GABRR3: variants seen among roughly 807,000 people sequenced by gnomAD.
GABRR3 encodes gamma-aminobutyric acid receptor subunit rho-3.
In GABRR3, 29 loss-of-function variants were observed where a neutral mutation model predicts 43.2. That is an observed-to-expected ratio of 0.67 (90% CI 0.50 to 0.92). GABRR3 has a LOEUF of 0.92. Ranked by LOEUF, GABRR3 falls within the 40% of genes least tolerant of loss-of-function variation. GABRR3 has a pLI of 0.00. For missense variants in GABRR3, 576 were observed against 572.3 expected, an observed-to-expected ratio of 1.01 and a Z score of -0.07; for synonymous variants, 206 against 195.9, an observed-to-expected ratio of 1.05 and a Z score of -0.43.
chr3:97,991,977 GT>G (rs987084709), intron 9 of GABRR3, among the ~76,000 whole-genome samples: 2 of 152,112 alleles, frequency 1.3e-5, no homozygotes, highest in African/African-American at 4.8e-5. Context: ...GCGTATGTGT[GT>G]TTATTCTGTT....
chr3:97,986,747 G>C, exon 10 of GABRR3: 3 of 1,595,042 alleles, frequency 1.9e-6, no homozygotes, highest in Non-Finnish European at 2.6e-6. Context: ...TAAAATCCTA[G>C]AATAGGTGTC....
intron 5 of GABRR3, among the ~76,000 whole-genome samples, chr3:98,011,566 C>A (rs1315285430): frequency 1.3e-5 from 2 of 152,076 alleles, no homozygotes; most frequent in Non-Finnish European, 2.9e-5. Flanking sequence ...CAGATAATTT[C>A]TTCCCTATTT....
chr3:98,035,266 G>C (rs1707137712), exon 1 of GABRR3: 5 of 380,762 alleles, frequency 1.3e-5, no homozygotes, highest in Non-Finnish European at 2.4e-5. Flanking sequence ...CCCTTTTTCC[G>C]GGGAAGGTTT....
rs149557138 is a variant in GABRR3, at chr3:98,019,427, C to T, written c.239-1705G>A. ...TTTTGGATCCTCAAATCCATGCCCT[C>T]GGTATCATTTTTTTACTTTCAAGGG... is the stretch of plus-strand genomic sequence containing the variant. On this transcript the variant is annotated intron_variant, in intron 3 of 9. Coordinates refer to ENST00000621172, the Ensembl canonical transcript of GABRR3. Among the ~76,000 whole-genome samples, 341 of 152,234 alleles carry T rather than the reference C, an allele frequency of 2.2e-3. 2 individuals are homozygous for T. Among genetic ancestry groups the T allele is most frequent in the African/African-American group, 7.9e-3 (330 of 41,548 alleles).
chr3:98,030,523 T>A (rs1707074328), intron 2 of GABRR3, among the ~76,000 whole-genome samples: 1 of 152,210 alleles, frequency 6.6e-6, no homozygotes, highest in Non-Finnish European at 1.5e-5. Flanking sequence ...GAATCAGGAT[T>A]AGACGTGAGC....
intron 3 of GABRR3, among the ~76,000 whole-genome samples, chr3:98,018,148 G>A (rs116586319): frequency 0.01 from 1,554 of 152,076 alleles, 22 homozygotes; most frequent in African/African-American, 0.036. Flanking sequence ...CATAGTCAGG[G>A]AGTGTCATAG....
intron 8 of GABRR3, chr3:97,997,311 T>C (rs533052369): frequency 6.6e-6 from 1 of 152,294 alleles, no homozygotes; most frequent in South Asian, 2.1e-4. Context: ...CCAGATTCCA[T>C]AATTCCAAAG....
intron 8 of GABRR3, 68 bp downstream of exon 8, chr3:98,001,546 AC>A: frequency 6.6e-7 from 1 of 1,521,706 alleles, no homozygotes; most frequent in Non-Finnish European, 9.1e-7. Context: ...TCCATGTATG[AC>A]CCATTTTATT....
At chr3:98,010,969 A>G (rs832025) in intron 5 of GABRR3, among the ~76,000 whole-genome samples, 119,825 of 151,938 alleles carry the variant, frequency 0.79, 47,535 homozygotes, top group East Asian at 0.99. Flanking sequence ...GCATGGTGGC[A>G]GGCACCTGTG....
chr3:98,007,728 T>C lies in GABRR3; in HGVS notation c.754+36A>G, dbSNP rs41314163. ...TGCTTTGCAAACAGTAGATGTCCAA[T>C]AAATGCTGATGAATCACCCATGTAA... On this transcript the variant is annotated intron_variant, in intron 7 of 9. Coordinates refer to ENST00000621172, the Ensembl canonical transcript of GABRR3. The C allele has an allele frequency of 1.5e-5, 24 of 1,610,532 alleles. No homozygotes were observed. The East Asian group carries it at 3.8e-4, about 25-fold the overall frequency.
chr3:98,032,572 T>C (rs1707100353), intron 2 of GABRR3, among the ~76,000 whole-genome samples: 1 of 152,198 alleles, frequency 6.6e-6, no homozygotes. Flanking sequence ...AAGGGGAACA[T>C]TTTCCACCTG....
intron 2 of GABRR3, among the ~76,000 whole-genome samples, chr3:98,032,975 C>A (rs1219150674): frequency 6.6e-6 from 1 of 152,096 alleles, no homozygotes; most frequent in African/African-American, 2.4e-5. Context: ...TAGGAAGACT[C>A]CTGGGCCTCT....
intron 2 of GABRR3, among the ~76,000 whole-genome samples, chr3:98,026,233 G>A (rs114526996): frequency 0.018 from 2,685 of 152,222 alleles, 41 homozygotes; most frequent in Non-Finnish European, 0.026. Context: ...AGAGCGCACC[G>A]GGCAGAATTC....
chr3:98,029,028 G>GAA (rs139176983), intron 2 of GABRR3, among the ~76,000 whole-genome samples: 3 of 148,598 alleles, frequency 2.0e-5, no homozygotes, highest in African/African-American at 7.4e-5. Flanking sequence ...CCCCATTCTA[G>GAA]AAAAAAAAAA....
chr3:98,033,002 CTA>C (rs1384392898), intron 2 of GABRR3, among the ~76,000 whole-genome samples: 1 of 152,144 alleles, frequency 6.6e-6, no homozygotes, highest in Non-Finnish European at 1.5e-5. Context: ...AAAAATGACT[CTA>C]TACAGTAATT....
At chr3:98,018,748 T>C (rs980694018) in intron 3 of GABRR3, among the ~76,000 whole-genome samples, 3 of 152,168 alleles carry the variant, frequency 2.0e-5, no homozygotes, top group African/African-American at 7.2e-5. Context: ...TTAAAAAATG[T>C]TTTCAATTAT....
At chr3:97,985,234 T>A (rs2107221227), downstream of GABRR3, among the ~76,000 whole-genome samples, 1 of 152,354 alleles carries the variant, frequency 6.6e-6, no homozygotes, top group South Asian at 2.1e-4. Context: ...AACAAAAGCA[T>A]GCACACTGCC....
chr3:97,990,429 A>G (rs1018038220), intron 9 of GABRR3, among the ~76,000 whole-genome samples: 5 of 151,912 alleles, frequency 3.3e-5, no homozygotes, highest in African/African-American at 1.2e-4. Context: ...GCTCACTGCA[A>G]CCTCGGCCTC....
chr3:97,996,667 A>G (rs1229530644), intron 8 of GABRR3, among the ~76,000 whole-genome samples: 1 of 152,188 alleles, frequency 6.6e-6, no homozygotes, highest in Non-Finnish European at 1.5e-5. Flanking sequence ...TGAGAGGAGA[A>G]AGTATAATAT....
Sources: gnomAD v4.1 joint callset for allele counts (sites outside exome capture counted in the v4.1 genomes callset) on GRCh38, gnomAD v4.1.1 for gene constraint, MANE v1.5 for transcripts, NCBI Gene and HGNC (gene_info 2026-07-23, HGNC 2026-07-21) for gene names.